ADGRV1: variants seen among roughly 807,000 people sequenced by gnomAD.
ADGRV1 encodes adhesion G protein-coupled receptor V1.
In ADGRV1, 359 loss-of-function variants were observed where a neutral mutation model predicts 596.2. The ratio of observed to expected loss-of-function variants is 0.60; its 90% CI spans 0.55 to 0.66. The LOEUF (loss-of-function observed/expected upper bound fraction) is 0.66, where lower values mean the gene tolerates loss of function less well. Among genes scored for constraint, ADGRV1 ranks in the 30% least tolerant of loss-of-function variants. ADGRV1 has a pLI of 0.00. For missense variants in ADGRV1, 7,274 were observed against 7,575.6 expected, an observed-to-expected ratio of 0.96 and a Z score of 1.48; for synonymous variants, 2,681 against 2,679.2, an observed-to-expected ratio of 1.00 and a Z score of -0.02.
At chr5:91,056,840 A>G (rs2151330015) in intron 85 of ADGRV1, among the ~76,000 whole-genome samples, 1 of 152,196 alleles carries the variant, frequency 6.6e-6, no homozygotes, top group East Asian at 1.9e-4. Flanking sequence ...CCACTGCTTT[A>G]TGAGATATTT....
intron 73 of ADGRV1, among the ~76,000 whole-genome samples, chr5:90,808,822 G>A (rs1762148170): frequency 6.6e-6 from 1 of 152,074 alleles, no homozygotes; most frequent in Non-Finnish European, 1.5e-5. Flanking sequence ...CTTGAGCCCA[G>A]GAGGCAGAGG....
intron 83 of ADGRV1, among the ~76,000 whole-genome samples, chr5:90,944,911 T>G (rs1450279007): frequency 2.0e-5 from 3 of 152,228 alleles, no homozygotes; most frequent in Non-Finnish European, 4.4e-5. Flanking sequence ...TGATTTTGTT[T>G]GTATTTAATT....
chr5:91,151,271 C>A (rs1447707600), intron 88 of ADGRV1, among the ~76,000 whole-genome samples: 1 of 152,102 alleles, frequency 6.6e-6, no homozygotes, highest in Non-Finnish European at 1.5e-5. Flanking sequence ...TAAATATTCA[C>A]AATTCAAGTA....
chr5:90,600,794 AT>A (rs1038372466), intron 1 of ADGRV1, among the ~76,000 whole-genome samples: 2 of 152,218 alleles, frequency 1.3e-5, no homozygotes, highest in African/African-American at 4.8e-5. Flanking sequence ...ACACAATTCC[AT>A]TTTGTGTCAA....
chr5:91,140,918 G>C (rs534572027), intron 87 of ADGRV1, among the ~76,000 whole-genome samples: 2 of 152,184 alleles, frequency 1.3e-5, no homozygotes, highest in South Asian at 4.1e-4. Context: ...CAAAAGGAAA[G>C]GCTGAAGAAC....
At position 90,790,852 on chromosome 5, in the gene ADGRV1, A is replaced by G. The variant is rs1193990817; in HGVS notation, c.14044-21A>G. ...TATACTGAATTATATAACTTTGTTG[A>G]GTTTTTTTCTTTTATTTTAGGTTTA... On this transcript the variant is annotated intron_variant, in intron 69 of 89. Coordinates refer to ENST00000405460, the MANE Select transcript of ADGRV1 (RefSeq NM_032119.4). 4 of 1,501,926 alleles carry G rather than the reference A, an allele frequency of 2.7e-6. No homozygotes were observed. The African/African-American group carries it at 5.6e-5, about 21-fold the overall frequency. 93.0% of individuals were successfully genotyped at this position (1,501,926 alleles called of 1,614,324 possible).
intron 86 of ADGRV1, among the ~76,000 whole-genome samples, chr5:91,075,307 G>C (rs1788755849): frequency 1.3e-5 from 2 of 152,064 alleles, no homozygotes; most frequent in Non-Finnish European, 2.9e-5. Flanking sequence ...AAGATTTATT[G>C]TTTTATATAT....
chr5:90,717,531 T>C (rs1260940367), intron 43 of ADGRV1: 1 of 146,406 alleles, frequency 6.8e-6, no homozygotes, highest in African/African-American at 2.6e-5. Context: ...ACCTCCCAGG[T>C]TCAAGTGATT....
At chr5:90,593,785 CTA>C (rs1759862319) in intron 1 of ADGRV1, among the ~76,000 whole-genome samples, 1 of 151,952 alleles carries the variant, frequency 6.6e-6, no homozygotes, top group South Asian at 2.1e-4. Flanking sequence ...TTATCATTAA[CTA>C]TGATCTTGGT....
chr5:91,121,701 AT>A lies in ADGRV1; in HGVS notation c.18432+19371del, dbSNP rs371877531. On this transcript the variant is annotated intron_variant, in intron 87 of 89. Coordinates refer to ENST00000405460, the MANE Select transcript of ADGRV1 (RefSeq NM_032119.4). ...TTTCCTTTCTTCCTTTTTATAATGG[AT>A]TTTTTTTTTCCCAGAGAGAAGATGA... is the stretch of plus-strand genomic sequence containing the variant. 1.0e-3 allele frequency among the ~76,000 whole-genome samples: 157 copies of A among 149,872 alleles called. 1 individual carries two copies. The highest frequency in any genetic ancestry group is 3.5e-3 in the African/African-American group (143 of 40,816).
At chr5:90,926,240 C>T (rs1326835419) in intron 83 of ADGRV1, among the ~76,000 whole-genome samples, 5 of 152,150 alleles carry the variant, frequency 3.3e-5, no homozygotes, top group African/African-American at 9.6e-5. Context: ...TGGTAGAATT[C>T]GTCTGTGAAT....
chr5:90,639,199 T>A (rs962371622), intron 11 of ADGRV1, among the ~76,000 whole-genome samples: 1 of 152,146 alleles, frequency 6.6e-6, no homozygotes, highest in African/African-American at 2.4e-5. Flanking sequence ...AAAAAATCAG[T>A]AAAATGTAAT....
At chr5:90,905,099 G>A (rs1204012565) in intron 83 of ADGRV1, among the ~76,000 whole-genome samples, 1 of 151,948 alleles carries the variant, frequency 6.6e-6, no homozygotes, top group East Asian at 1.9e-4. Flanking sequence ...TGGTCTATGT[G>A]TCTCAGTTTA....
intron 85 of ADGRV1, among the ~76,000 whole-genome samples, chr5:91,020,018 T>G (rs576436643): frequency 6.6e-6 from 1 of 152,168 alleles, no homozygotes; most frequent in Admixed American, 6.6e-5. Context: ...GATTAAAGTA[T>G]GTCATGTTTA....
At chr5:91,112,290 C>G (rs1464195307) in intron 87 of ADGRV1, among the ~76,000 whole-genome samples, 1 of 152,200 alleles carries the variant, frequency 6.6e-6, no homozygotes, top group East Asian at 1.9e-4. Context: ...CAGGTGCCTC[C>G]ATTTCTTCTG....
chr5:90,606,017 T>A (rs1369509370), intron 1 of ADGRV1, among the ~76,000 whole-genome samples: 1 of 152,268 alleles, frequency 6.6e-6, no homozygotes, highest in African/African-American at 2.4e-5. Flanking sequence ...CTGAGATCTT[T>A]TATCAATGGT....
Position 90,574,585 on chromosome 5 carries a change from C to T in ADGRV1, c.22+15668C>T, listed in dbSNP as rs143220619. ...GGATTTTCTAGATATAGAATCATATCGGGTTGACGCCAGCTTCATAGAGTG... is the reference window on the plus strand; with the variant it reads ...GGATTTTCTAGATATAGAATCATATTGGGTTGACGCCAGCTTCATAGAGTG... On this transcript the variant is annotated intron_variant, in intron 1 of 89. Coordinates refer to ENST00000405460, the MANE Select transcript of ADGRV1 (RefSeq NM_032119.4). Among the ~76,000 whole-genome samples the T allele has an allele frequency of 3.3e-5, 5 of 152,188 alleles. No homozygotes were observed. The East Asian group carries it at 5.8e-4, about 18-fold the overall frequency.
rs754037480 is a variant in ADGRV1, at chr5:90,645,992, A to T, written c.2923A>T (p.Thr975Ser). Reference sequence around the variant, plus strand: ...GATTCCAGAAGAAATGGAAGAATTTACCGTTATCCTACTGAATGGCACTGG... The same window carrying T: ...GATTCCAGAAGAAATGGAAGAATTTTCCGTTATCCTACTGAATGGCACTGG... Reference protein sequence around the residue: ...DEIPEEMEEFTVILLNGTGGA... With the variant: ...DEIPEEMEEFSVILLNGTGGA... Residue 975 changes from threonine to serine, a missense_variant, in exon 16 of 90, where the codon ACC becomes TCC. Thr to Ser is a moderately conservative substitution (Grantham distance 58, BLOSUM62 1). Around this residue, in one of 5 missense-constraint regions of ADGRV1, gnomAD observed 1,715 missense variants for 1,708.8 expected, o/e 1.00. Coordinates refer to ENST00000405460, the MANE Select transcript of ADGRV1 (RefSeq NM_032119.4). The T allele has an allele frequency of 3.8e-6, 6 of 1,597,732 alleles. No homozygotes were observed. The South Asian group carries it at 6.9e-5, about 18-fold the overall frequency.
chr5:90,894,728 A>G (rs1415526127), intron 83 of ADGRV1, among the ~76,000 whole-genome samples: 1 of 152,152 alleles, frequency 6.6e-6, no homozygotes, highest in East Asian at 1.9e-4. Context: ...GACAATGGGT[A>G]TCTATTTCTA....
Sources: allele counts gnomAD v4.1 joint callset (sites outside exome capture counted in the v4.1 genomes callset), GRCh38; gene constraint gnomAD v4.1.1; regional missense constraint gnomAD v4.1.1; transcripts MANE v1.5; gene names NCBI Gene and HGNC (gene_info 2026-07-23, HGNC 2026-07-21).